FSTL5: variants seen among roughly 807,000 people sequenced by gnomAD.
FSTL5 encodes follistatin like 5.
A neutral mutation model predicts 89.1 loss-of-function variants in FSTL5; 62 were observed. The observed-to-expected ratio is 0.70, with a 90% confidence interval of 0.57 to 0.86. The LOEUF (loss-of-function observed/expected upper bound fraction) is 0.86. Ranked by LOEUF, FSTL5 falls within the 40% of genes least tolerant of loss-of-function variation. The pLI, the probability that FSTL5 is intolerant of heterozygous loss-of-function variation, is 0.00. For synonymous variants in FSTL5, 383 were observed against 346.2 expected (o/e 1.11, Z -1.18); for missense variants, 1,057 against 1,001.6 (o/e 1.06, Z -0.75).
chr4:161,639,871 T>C (rs1735887059), intron 7 of FSTL5, among the ~76,000 whole-genome samples: 3 of 152,228 alleles, frequency 2.0e-5, no homozygotes, highest in Admixed American at 1.3e-4. Context: ...GGATGGCCAC[T>C]GTTCCCTCCA....
At chr4:162,143,737 CACACA>C (rs1732843108) in intron 1 of FSTL5, among the ~76,000 whole-genome samples, 1 of 131,592 alleles carries the variant, frequency 7.6e-6, no homozygotes, top group South Asian at 2.4e-4. Flanking sequence ...CACACACACA[CACACA>C]CACACACCCA....
intron 3 of FSTL5, among the ~76,000 whole-genome samples, chr4:161,947,373 A>C (rs1303880252): frequency 6.6e-6 from 1 of 152,112 alleles, no homozygotes; most frequent in South Asian, 2.1e-4. Flanking sequence ...TTAAGATTCT[A>C]CACTTTATGT....
At chr4:161,607,271 T>G (rs1327206943) in intron 7 of FSTL5, among the ~76,000 whole-genome samples, 2 of 152,218 alleles carry the variant, frequency 1.3e-5, no homozygotes, top group African/African-American at 4.8e-5. Flanking sequence ...ATATGTTATA[T>G]ATGAGGAATA....
chr4:161,656,722 A>G (rs1736531925), intron 6 of FSTL5, among the ~76,000 whole-genome samples: 1 of 152,200 alleles, frequency 6.6e-6, no homozygotes, highest in Non-Finnish European at 1.5e-5. Flanking sequence ...TAAGCATGAA[A>G]TGAATATCAG....
chr4:161,983,513 A>G (rs1185129923), intron 3 of FSTL5, among the ~76,000 whole-genome samples: 5 of 152,340 alleles, frequency 3.3e-5, no homozygotes, highest in East Asian at 1.9e-4. Context: ...GTTACTTTGA[A>G]GTATAAATTA....
rs536205483 is a variant in FSTL5 at position 161,633,506 on chromosome 4, C to A, written c.894+22822G>T. 6.6e-5 allele frequency among the ~76,000 whole-genome samples: 10 copies of A among 151,808 alleles called. No homozygotes were observed. In the South Asian group the frequency reaches 1.7e-3, roughly 25 times the overall value. The stretch of plus-strand genomic sequence containing the variant: ...AGACTACAGGCACACACCACCACAC[C>A]CAGCTAATTTTTGTATTTTTAGTAG... On this transcript the variant is annotated intron_variant, in intron 7 of 15. Coordinates refer to ENST00000306100, the MANE Select transcript of FSTL5 (RefSeq NM_020116.5).
chr4:161,637,427 G>C (rs943120915), intron 7 of FSTL5, among the ~76,000 whole-genome samples: 1 of 147,474 alleles, frequency 6.8e-6, no homozygotes, highest in Non-Finnish European at 1.5e-5. Context: ...TGTTCACTCT[G>C]ATGGTAGTTT....
chr4:161,620,687 G>T (rs1735091039), intron 7 of FSTL5, among the ~76,000 whole-genome samples: 1 of 151,916 alleles, frequency 6.6e-6, no homozygotes, highest in Admixed American at 6.6e-5. Context: ...AAACAAAAAA[G>T]TGCTAACAGA....
chr4:161,798,010 A>G (rs1400542712), intron 4 of FSTL5, among the ~76,000 whole-genome samples: 1 of 151,682 alleles, frequency 6.6e-6, no homozygotes, highest in African/African-American at 2.4e-5. Flanking sequence ...GACCTCATTT[A>G]TCCCATGCTG....
In FSTL5 at chr4:161,385,690, T is replaced by C. The variant is rs1230629472; in HGVS notation, c.*57A>G. ...AAAGTTAAGTTGTAAATTTAAACAA[T>C]GGATTAAGTGCAATGTATTGTAAAA... On this transcript the variant is annotated 3_prime_UTR_variant, in exon 16 of 16. Coordinates refer to ENST00000306100, the MANE Select transcript of FSTL5 (RefSeq NM_020116.5). 7 of 1,222,730 alleles carry C rather than the reference T, an allele frequency of 5.7e-6. No individual in the cohort carries two copies. The highest frequency in any genetic ancestry group is 8.0e-6 in the Non-Finnish European group (7 of 869,764). The allele number at this position is 1,222,730 out of a possible 1,614,324, so 75.7% of individuals were successfully genotyped here.
At chr4:161,627,075 A>C (rs1274123403) in intron 7 of FSTL5, among the ~76,000 whole-genome samples, 1 of 152,216 alleles carries the variant, frequency 6.6e-6, no homozygotes, top group Non-Finnish European at 1.5e-5. Flanking sequence ...TTAGTTGATA[A>C]AGGGTTTAAG....
At chr4:162,002,326 C>T (rs970519286) in intron 3 of FSTL5, among the ~76,000 whole-genome samples, 1 of 152,178 alleles carries the variant, frequency 6.6e-6, no homozygotes, top group African/African-American at 2.4e-5. Flanking sequence ...TGATTCACTT[C>T]CATGTATATT....
intron 6 of FSTL5, among the ~76,000 whole-genome samples, chr4:161,714,452 A>T (rs933861222): frequency 1.3e-5 from 2 of 152,062 alleles, no homozygotes; most frequent in South Asian, 2.1e-4. Context: ...AGTGAGAGCT[A>T]TCGTGAGTAA....
chr4:162,066,475 T>C (rs1738920526), intron 2 of FSTL5, among the ~76,000 whole-genome samples: 1 of 150,770 alleles, frequency 6.6e-6, no homozygotes, highest in South Asian at 2.1e-4. Context: ...GCATGTTTGC[T>C]GCATAGGTAT....
intron 15 of FSTL5, among the ~76,000 whole-genome samples, chr4:161,414,644 TA>T (rs1731710410): frequency 1.3e-5 from 2 of 152,320 alleles, no homozygotes; most frequent in South Asian, 4.1e-4. Flanking sequence ...TAGATGAATG[TA>T]TTTATCATTT....
intron 7 of FSTL5, among the ~76,000 whole-genome samples, chr4:161,589,296 C>G (rs1184585670): frequency 2.0e-5 from 3 of 152,168 alleles, no homozygotes; most frequent in Non-Finnish European, 4.4e-5. Context: ...GCCTCAGCCT[C>G]CTGAGTAGCT....
intron 10 of FSTL5, among the ~76,000 whole-genome samples, chr4:161,522,349 CCTT>C (rs1258513420): frequency 8.6e-5 from 13 of 151,962 alleles, no homozygotes; most frequent in Non-Finnish European, 1.5e-4. Flanking sequence ...CCAGCTGACA[CCTT>C]CTGATATCAC....
chr4:161,603,416 T>A (rs1430565118), intron 7 of FSTL5, among the ~76,000 whole-genome samples: 1 of 152,138 alleles, frequency 6.6e-6, no homozygotes, highest in African/African-American at 2.4e-5. Flanking sequence ...TCTCTCTTTC[T>A]CTATTTTTCT....
chr4:161,817,635 C>A (rs560899718), intron 4 of FSTL5, among the ~76,000 whole-genome samples: 1 of 152,228 alleles, frequency 6.6e-6, no homozygotes, highest in African/African-American at 2.4e-5. Context: ...ATTTTTACAG[C>A]ACAATTTTTA....
Sources: allele counts gnomAD v4.1 joint callset (sites outside exome capture counted in the v4.1 genomes callset), GRCh38; gene constraint gnomAD v4.1.1; transcripts MANE v1.5; gene names NCBI Gene and HGNC (gene_info 2026-07-23, HGNC 2026-07-21).